The following STK17B variants were observed in gnomAD, a reference collection of about 807,000 sequenced individuals.
STK17B encodes serine/threonine-protein kinase 17B.
In STK17B, 21 loss-of-function variants were observed where a neutral mutation model predicts 42.0. The observed-to-expected ratio is 0.50, with a 90% CI of 0.35 to 0.72. The LOEUF is 0.72. STK17B is among the 30% of genes least tolerant of loss of function. The pLI, the probability that STK17B is intolerant of heterozygous loss-of-function variation, is 0.00. For missense variants in STK17B, 349 were observed against 446.0 expected, an observed-to-expected ratio of 0.78 and a Z score of 1.96; for synonymous variants, 143 against 148.4, an observed-to-expected ratio of 0.96 and a Z score of 0.26.
intron 6 of STK17B, 130 bp downstream of exon 6, chr2:196,141,119 T>C (rs1488539704): frequency 7.3e-6 from 5 of 686,076 alleles, no homozygotes; most frequent in African/African-American, 1.8e-5. Flanking sequence ...TCCTGTAGCA[T>C]AATAATGATA....
chr2:196,172,024 A>G (rs914110646), upstream of STK17B, among the ~76,000 whole-genome samples: 3 of 151,998 alleles, frequency 2.0e-5, no homozygotes, highest in African/African-American at 7.2e-5. Context: ...CTATTTTCTG[A>G]CTCTTCTTGA....
chr2:196,146,499 G>A (rs574107340), intron 3 of STK17B, among the ~76,000 whole-genome samples: 37 of 151,692 alleles, frequency 2.4e-4, no homozygotes, highest in Admixed American at 1.1e-3. Flanking sequence ...GCAAGACTCC[G>A]TCCCCAAAAA....
chr2:196,162,773 C>T (rs1419624842), intron 2 of STK17B, among the ~76,000 whole-genome samples: 1 of 152,004 alleles, frequency 6.6e-6, no homozygotes, highest in Non-Finnish European at 1.5e-5. Flanking sequence ...GCCTGTAGTC[C>T]CAGCTACTTA....
At chr2:196,138,152 A>G (rs916436815) in intron 7 of STK17B, among the ~76,000 whole-genome samples, 3 of 152,202 alleles carry the variant, frequency 2.0e-5, no homozygotes, top group Non-Finnish European at 4.4e-5. Context: ...TAAAAAGTAA[A>G]ATTGTTTTCT....
At chr2:196,163,448 C>G in intron 1 of STK17B, 21 bp from the exon 2 acceptor site, 1 of 1,506,358 alleles carries the variant, frequency 6.6e-7, no homozygotes. Flanking sequence ...AAAGAGAATA[C>G]AGAGAAAAGA....
rs1319765530 is a variant in STK17B at position 196,137,530 on chromosome 2, C to G, written c.1036G>C (p.Asp346His). ...AATCTTTTGGAAACCATGCTGCTAT[C>G]CTCTGGGATATTCTCTTTGTCTTCT... is the stretch of plus-strand genomic sequence containing the variant. ...DREDKENIPE[D>H]SSMVSKRFRF... The change falls in exon 8 of 8, where the codon GAT becomes CAT. Residue 346 changes from aspartate to histidine, a missense_variant. Asp to His is a moderately conservative substitution (Grantham distance 81). Coordinates refer to ENST00000263955, the MANE Select transcript of STK17B (RefSeq NM_004226.4). 1.2e-6 allele frequency: 2 copies of G among 1,614,076 alleles called. No individual in the cohort carries two copies.
intron 1 of STK17B, among the ~76,000 whole-genome samples, 167 bp downstream of exon 1, chr2:196,171,166 G>A (rs982653563): frequency 1.3e-5 from 2 of 152,208 alleles, no homozygotes; most frequent in Non-Finnish European, 2.9e-5. Context: ...AGAGGCGCCA[G>A]CAGCAATCAG....
chr2:196,145,976 T>C lies in STK17B; in HGVS notation c.415A>G (p.Ile139Val), dbSNP rs764646680. Reference protein sequence around the residue: ...MVSENDVIRLIKQILEGVYYL... With the variant: ...MVSENDVIRLVKQILEGVYYL... ...TAAACTCCTTCAAGTATTTGTTTAATGAGTCTGATAACATCATTTTCAGAA... is the reference window on the plus strand; with the variant it reads ...TAAACTCCTTCAAGTATTTGTTTAACGAGTCTGATAACATCATTTTCAGAA... Residue 139 changes from isoleucine (I) to valine (V), a missense_variant, in exon 4 of 8, where the codon ATT (isoleucine) becomes GTT (valine). Coordinates refer to ENST00000263955, the MANE Select transcript of STK17B (RefSeq NM_004226.4). The C allele has an allele frequency of 7.5e-6, 12 of 1,607,560 alleles. No homozygotes were observed. Among genetic ancestry groups the C allele is most frequent in the Admixed American group, 1.7e-5 (1 of 57,964 alleles).
rs1440154904 is a variant in STK17B, at chr2:196,136,922, A to C, written c.*525T>G. The C allele has an allele frequency of 6.6e-6, 1 of 152,520 alleles. No homozygotes were observed. The highest frequency in any genetic ancestry group is 1.5e-5 in the Non-Finnish European group (1 of 68,268). 9.4% of individuals were successfully genotyped at this position (152,520 alleles called of 1,614,324 possible). ...AATGAAAATCTTACGAAGTTTCAAA[A>C]TATTTGTAATTGAAAGACATTTTCA... is the stretch of plus-strand genomic sequence containing the variant. On this transcript the variant is annotated 3_prime_UTR_variant, in exon 8 of 8. Transcript: ENST00000263955.
intron 3 of STK17B, among the ~76,000 whole-genome samples, chr2:196,155,307 A>G (rs1408305481): frequency 2.0e-5 from 3 of 152,198 alleles, no homozygotes; most frequent in Middle Eastern, 3.2e-3. Flanking sequence ...ATTTATTTTG[A>G]AAGTGCTATA....
intron 4 of STK17B, among the ~76,000 whole-genome samples, chr2:196,143,914 T>A (rs1183608406): frequency 6.6e-6 from 1 of 152,138 alleles, no homozygotes; most frequent in Non-Finnish European, 1.5e-5. Context: ...AGAAGTTAAA[T>A]GGAAAGATTA....
chr2:196,144,831 A>G lies in STK17B; in HGVS notation c.480+1080T>C, dbSNP rs73989826. Among the ~76,000 whole-genome samples, 324 of 152,276 alleles carry G rather than the reference A, an allele frequency of 2.1e-3. 2 individuals carry two copies. Among genetic ancestry groups the G allele is most frequent in the African/African-American group, 6.9e-3 (288 of 41,558 alleles). Reference sequence around the variant, plus strand: ...GCTCCCAAAATCTGTGCAAAGAATTATAACAGTCGCTTAACTTTGGGGCAA... The same window carrying G: ...GCTCCCAAAATCTGTGCAAAGAATTGTAACAGTCGCTTAACTTTGGGGCAA... On this transcript the variant is annotated intron_variant, in intron 4 of 7. Transcript: ENST00000263955.
intron 1 of STK17B, among the ~76,000 whole-genome samples, chr2:196,164,300 G>A (rs1699850765): frequency 6.6e-6 from 1 of 152,124 alleles, no homozygotes. Flanking sequence ...TCCTTTGACA[G>A]GACCTAGCAC....
intron 5 of STK17B, 147 bp from the exon 6 acceptor site, chr2:196,141,444 G>T: frequency 1.6e-6 from 1 of 623,284 alleles, no homozygotes; most frequent in Admixed American, 2.7e-5. Context: ...CAGATCACCT[G>T]AGATCACAGT....
chr2:196,143,732 C>T (rs1182016776), intron 4 of STK17B, 46 bp from the exon 5 acceptor site: 6 of 1,409,848 alleles, frequency 4.3e-6, no homozygotes, highest in Non-Finnish European at 5.6e-6. Context: ...TACAAAAAAG[C>T]ATACTAGTCT....
chr2:196,173,651 GT>G (rs1699972920), upstream of STK17B, among the ~76,000 whole-genome samples: 1 of 152,096 alleles, frequency 6.6e-6, no homozygotes. Context: ...ATTCATCACC[GT>G]GTCAAAGATA....
chr2:196,144,196 A>G (rs10167113), intron 4 of STK17B, among the ~76,000 whole-genome samples: 2 of 26,840 alleles, frequency 7.5e-5, no homozygotes, highest in Non-Finnish European at 2.9e-4. Flanking sequence ...TTAAAAAATT[A>G]AAAAAAAAAA....
In STK17B at chr2:196,136,236, C is replaced by CT. The variant is rs1163427767; in HGVS notation, c.*1210dup. ...TTCATAAAAGATTACCCGAAAAGGA[C>CT]TAACTTTCCCCATCATTAGGGCTGG... On this transcript the variant is annotated 3_prime_UTR_variant, in exon 8 of 8. Transcript: ENST00000263955. 1.3e-5 allele frequency: 2 copies of CT among 152,152 alleles called. No homozygotes were observed. The highest frequency in any genetic ancestry group is 2.4e-5 in the African/African-American group (1 of 41,434). The allele number at this position is 152,152 out of a possible 1,614,324, so 9.4% of individuals were successfully genotyped here.
intron 3 of STK17B, among the ~76,000 whole-genome samples, chr2:196,150,359 T>C (rs961301225): frequency 1.5e-4 from 23 of 152,326 alleles, no homozygotes; most frequent in South Asian, 6.2e-4. Flanking sequence ...AAATTCAGCA[T>C]CTATGTTCAC....
Sources: allele counts gnomAD v4.1 joint callset (sites outside exome capture counted in the v4.1 genomes callset), GRCh38; gene constraint gnomAD v4.1.1; transcripts MANE v1.5; gene names NCBI Gene and HGNC (gene_info 2026-07-23, HGNC 2026-07-21).